Variants in HCN1 observed in about 807,000 individuals in gnomAD.
The protein encoded by HCN1 is hyperpolarization activated cyclic nucleotide gated potassium channel 1.
A neutral mutation model predicts 78.9 loss-of-function variants in HCN1; 13 were observed. The ratio of observed to expected loss-of-function variants is 0.16; its 90% CI spans 0.11 to 0.26. The LOEUF (loss-of-function observed/expected upper bound fraction) is 0.26. Among genes scored for constraint, HCN1 ranks in the 10% least tolerant of loss-of-function variants. The pLI, the probability that HCN1 is intolerant of heterozygous loss-of-function variation, is 1.00. For missense variants in HCN1, 810 were observed against 1,154.3 expected, an observed-to-expected ratio of 0.70 and a Z score of 4.32; for synonymous variants, 552 against 455.5, an observed-to-expected ratio of 1.21 and a Z score of -2.70.
At chr5:45,476,317 T>A (rs181581080) in intron 2 of HCN1, among the ~76,000 whole-genome samples, 2 of 152,256 alleles carry the variant, frequency 1.3e-5, no homozygotes, top group Admixed American at 1.3e-4. Context: ...GAAATCACTA[T>A]GCATTGTTTA....
intron 3 of HCN1, among the ~76,000 whole-genome samples, chr5:45,452,427 C>T (rs570524416): frequency 6.7e-6 from 1 of 148,496 alleles, no homozygotes; most frequent in African/African-American, 2.5e-5. Flanking sequence ...TTTTTTGTCA[C>T]GCAGGTAGTA....
intron 2 of HCN1, among the ~76,000 whole-genome samples, chr5:45,485,201 G>A (rs1245152198): frequency 1.3e-5 from 2 of 152,130 alleles, no homozygotes; most frequent in Non-Finnish European, 2.9e-5. Flanking sequence ...TAATGTAGGC[G>A]CTAAAAGAAT....
chr5:45,566,965 G>C (rs904369538), intron 2 of HCN1, among the ~76,000 whole-genome samples: 3 of 152,150 alleles, frequency 2.0e-5, no homozygotes, highest in Non-Finnish European at 4.4e-5. Flanking sequence ...ACAGGTTATA[G>C]GTTAAGAAAA....
At chr5:45,647,647 G>T (rs1403143709) in intron 1 of HCN1, among the ~76,000 whole-genome samples, 1 of 151,964 alleles carries the variant, frequency 6.6e-6, no homozygotes, top group African/African-American at 2.4e-5. Context: ...ATAATCAGTA[G>T]CCCGTTAAAT....
chr5:45,652,478 T>G (rs1289117595), intron 1 of HCN1, among the ~76,000 whole-genome samples: 1 of 151,980 alleles, frequency 6.6e-6, no homozygotes, highest in Non-Finnish European at 1.5e-5. Context: ...TCTTCTTCCT[T>G]CTATTCACTC....
chr5:45,388,091 C>T (rs868703816), intron 4 of HCN1, among the ~76,000 whole-genome samples: 13 of 152,070 alleles, frequency 8.5e-5, no homozygotes, highest in Admixed American at 7.2e-4. Flanking sequence ...CAAATACAGA[C>T]GATTTTAGGC....
chr5:45,526,096 A>G (rs143889346), intron 2 of HCN1, among the ~76,000 whole-genome samples: 124 of 152,160 alleles, frequency 8.1e-4, no homozygotes, highest in African/African-American at 2.9e-3. Flanking sequence ...CACAACTGCA[A>G]AAAATAAATG....
intron 5 of HCN1, among the ~76,000 whole-genome samples, chr5:45,314,201 C>T (rs777077069): frequency 2.0e-5 from 3 of 152,088 alleles, no homozygotes; most frequent in Non-Finnish European, 4.4e-5. Context: ...ACAGTGAAGG[C>T]CCATATTCAA....
intron 5 of HCN1, among the ~76,000 whole-genome samples, chr5:45,347,659 G>T (rs1746777419): frequency 6.6e-6 from 1 of 152,156 alleles, no homozygotes; most frequent in African/African-American, 2.4e-5. Flanking sequence ...CCAATATAGA[G>T]AAGTGCTTAA....
chr5:45,329,763 A>G (rs1216116413), intron 5 of HCN1, among the ~76,000 whole-genome samples: 1 of 151,478 alleles, frequency 6.6e-6, no homozygotes, highest in East Asian at 1.9e-4. Context: ...ACCAGAATCT[A>G]AAATTCAGAG....
rs141355612 is a variant in HCN1, at chr5:45,276,677, T to A, written c.1619-9424A>T. Among the ~76,000 whole-genome samples, 426 of 152,210 alleles carry A rather than the reference T, an allele frequency of 2.8e-3. 2 individuals are homozygous for A. The highest frequency in any genetic ancestry group is 0.01 in the East Asian group (52 of 5,178). On this transcript the variant is annotated intron_variant, in intron 6 of 7. Coordinates refer to ENST00000303230, the MANE Select transcript of HCN1 (RefSeq NM_021072.4). ...TTATCCTGACTGAAAGAGTCGAGAATTATAAATTCAAGCATAATATGAAAA... is the reference window on the plus strand; with the variant it reads ...TTATCCTGACTGAAAGAGTCGAGAAATATAAATTCAAGCATAATATGAAAA...
At chr5:45,375,322 ATAT>A (rs1405122750) in intron 4 of HCN1, among the ~76,000 whole-genome samples, 1 of 119,470 alleles carries the variant, frequency 8.4e-6, no homozygotes, top group African/African-American at 3.3e-5. Flanking sequence ...ATATAATATA[ATAT>A]TTTATGATAT....
chr5:45,372,709 A>ATATATAAAAATATATACGTATT (rs1561128746), intron 4 of HCN1, among the ~76,000 whole-genome samples: 1 of 143,168 alleles, frequency 7.0e-6, no homozygotes, highest in Non-Finnish European at 1.5e-5. Flanking sequence ...ATACGTATTT[A>ATATATAAAAATATATACGTATT]TATATAAAAA....
chr5:45,282,764 C>A (rs1358222431), intron 6 of HCN1, among the ~76,000 whole-genome samples: 4 of 152,164 alleles, frequency 2.6e-5, no homozygotes, highest in Non-Finnish European at 4.4e-5. Context: ...GTAATTCTTT[C>A]AATCAGCTCC....
chr5:45,348,327 G>T (rs898135109), intron 5 of HCN1, among the ~76,000 whole-genome samples: 2 of 152,104 alleles, frequency 1.3e-5, no homozygotes, highest in East Asian at 1.9e-4. Flanking sequence ...GAGAGATTTT[G>T]TCACCAGCAG....
At chr5:45,465,937 G>T (rs902439155) in intron 2 of HCN1, among the ~76,000 whole-genome samples, 6 of 151,882 alleles carry the variant, frequency 4.0e-5, no homozygotes, top group Admixed American at 3.9e-4. Flanking sequence ...TTATATTATA[G>T]GTTTAGAATT....
chr5:45,306,249 C>T lies in HCN1; in HGVS notation c.1378-2410G>A, dbSNP rs573318056. ...AATAGAGAATCCCTTCATCTTTGTACCTTGATTTGAACTATGCAAATGTTT... is the reference window on the plus strand; with the variant it reads ...AATAGAGAATCCCTTCATCTTTGTATCTTGATTTGAACTATGCAAATGTTT... On this transcript the variant is annotated intron_variant, in intron 5 of 7. Transcript: ENST00000303230. Among the ~76,000 whole-genome samples the T allele has an allele frequency of 9.9e-5, 15 of 151,996 alleles. No individual in the cohort carries two copies. The East Asian group carries it at 1.7e-3, about 18-fold the overall frequency.
At chr5:45,416,617 C>T (rs1416704671) in intron 3 of HCN1, among the ~76,000 whole-genome samples, 2 of 151,848 alleles carry the variant, frequency 1.3e-5, no homozygotes, top group Non-Finnish European at 2.9e-5. Flanking sequence ...AGGATGAAGG[C>T]AAACGCATAA....
intron 4 of HCN1, among the ~76,000 whole-genome samples, chr5:45,354,611 A>G (rs1008921383): frequency 2.6e-5 from 4 of 152,024 alleles, no homozygotes; most frequent in African/African-American, 9.7e-5. Context: ...CATTTTTTCC[A>G]ACATACTTTC....
Sources: gnomAD v4.1 joint callset for allele counts (sites outside exome capture counted in the v4.1 genomes callset) on GRCh38, gnomAD v4.1.1 for gene constraint, MANE v1.5 for transcripts, NCBI Gene and HGNC (gene_info 2026-07-23, HGNC 2026-07-21) for gene names.